Variants in COA1 observed in about 807,000 individuals in gnomAD.
COA1 encodes cytochrome c oxidase assembly factor 1 homolog.
In COA1, 13 loss-of-function variants were observed where a neutral mutation model predicts 16.0. The ratio of observed to expected loss-of-function variants is 0.81; its 90% CI spans 0.53 to 1.29. COA1 has a LOEUF of 1.29. Ranked by LOEUF, COA1 falls within the 50% of genes most tolerant of loss-of-function variation. The probability of loss-of-function intolerance (pLI) is 0.00; values close to 1 mark genes in which losing one functional copy is unlikely to be tolerated. For missense variants in COA1, 179 were observed against 177.0 expected (o/e 1.01, Z -0.06); for synonymous variants, 65 against 65.7 (o/e 0.99, Z 0.05).
intron 1 of COA1, among the ~76,000 whole-genome samples, chr7:43,690,745 T>C (rs903043606): frequency 9.2e-5 from 14 of 151,980 alleles, no homozygotes; most frequent in African/African-American, 3.4e-4. Flanking sequence ...AAGGCAGAGA[T>C]TGTCCTAATG....
intron 6 of COA1, among the ~76,000 whole-genome samples, chr7:43,620,084 G>C (rs932884562): frequency 6.6e-6 from 1 of 152,172 alleles, no homozygotes; most frequent in African/African-American, 2.4e-5. Context: ...CATTGACAAA[G>C]GAATTGCCAA....
intron 1 of COA1, among the ~76,000 whole-genome samples, chr7:43,669,652 G>A (rs1283806785): frequency 6.6e-6 from 1 of 151,986 alleles, no homozygotes; most frequent in African/African-American, 2.4e-5. Context: ...GACGCACACA[G>A]GGTTTTCTCT....
chr7:43,691,370 AGGGAGGG>A (rs1563384169), intron 1 of COA1, among the ~76,000 whole-genome samples: 1,026 of 47,580 alleles, frequency 0.022, 72 homozygotes, highest in African/African-American at 0.063. Context: ...GGAGGGAGGG[AGGGAGGG>A]AGGAAGGAAG....
intron 6 of COA1, chr7:43,624,440 C>A: frequency 7.4e-7 from 1 of 1,350,480 alleles, no homozygotes; most frequent in Non-Finnish European, 9.8e-7. Flanking sequence ...AAATATAATG[C>A]AATAAATACA....
At chr7:43,728,263 C>G (rs1049740449) in intron 1 of COA1, among the ~76,000 whole-genome samples, 1 of 152,108 alleles carries the variant, frequency 6.6e-6, no homozygotes, top group South Asian at 2.1e-4. Flanking sequence ...CGTGAGGCAC[C>G]GCTACGTTTT....
intron 1 of COA1, among the ~76,000 whole-genome samples, chr7:43,702,039 C>T (rs1354172650): frequency 6.6e-6 from 1 of 152,056 alleles, no homozygotes; most frequent in Non-Finnish European, 1.5e-5. Flanking sequence ...TCTGTTTACT[C>T]TGTTGATAGT....
chr7:43,636,466 G>A (rs143485698), downstream of COA1, among the ~76,000 whole-genome samples: 74 of 152,282 alleles, frequency 4.9e-4, no homozygotes, highest in East Asian at 9.6e-3. Flanking sequence ...TTTTTCAGAT[G>A]GACAAACTGA....
intron 1 of COA1, among the ~76,000 whole-genome samples, chr7:43,704,276 G>A (rs1471977416): frequency 6.6e-6 from 1 of 152,184 alleles, no homozygotes; most frequent in Non-Finnish European, 1.5e-5. Context: ...ACAACCTGGT[G>A]ACTATGTGTC....
intron 6 of COA1, among the ~76,000 whole-genome samples, chr7:43,624,067 T>G (rs1256323588): frequency 6.6e-6 from 1 of 152,138 alleles, no homozygotes; most frequent in Non-Finnish European, 1.5e-5. Flanking sequence ...TGGCTTAATA[T>G]AACTTGAAAG....
chr7:43,712,613 A>G (rs1344109630), intron 1 of COA1, among the ~76,000 whole-genome samples: 5 of 152,334 alleles, frequency 3.3e-5, no homozygotes, highest in African/African-American at 1.2e-4. Flanking sequence ...TAGACTGAAC[A>G]CATGGCAGGC....
chr7:43,699,148 C>T (rs955851212), intron 1 of COA1, among the ~76,000 whole-genome samples: 3 of 152,038 alleles, frequency 2.0e-5, no homozygotes, highest in Admixed American at 6.6e-5. Flanking sequence ...TTAATTGAGA[C>T]ACTCGTAAAA....
At chr7:43,649,978 A>G (rs2090425377) in intron 1 of COA1, 1 of 152,374 alleles carries the variant, frequency 6.6e-6, no homozygotes, top group African/African-American at 2.4e-5. Flanking sequence ...AGAAAGGTGA[A>G]AAGAGCAGAA....
downstream of COA1, among the ~76,000 whole-genome samples, chr7:43,635,202 A>T (rs1237330445): frequency 6.6e-6 from 1 of 152,178 alleles, no homozygotes; most frequent in African/African-American, 2.4e-5. Context: ...TCTGCAATCA[A>T]TGGTTTGTGT....
chr7:43,711,058 T>C (rs2095231151), intron 1 of COA1, among the ~76,000 whole-genome samples: 1 of 152,024 alleles, frequency 6.6e-6, no homozygotes, highest in East Asian at 1.9e-4. Context: ...CCTTAATACA[T>C]GTTAGAGCAC....
At chr7:43,667,916 T>C (rs1237471226) in intron 1 of COA1, among the ~76,000 whole-genome samples, 3 of 152,250 alleles carry the variant, frequency 2.0e-5, no homozygotes, top group Non-Finnish European at 4.4e-5. Flanking sequence ...ATTTGGAGCA[T>C]GTTTCTTTTT....
chr7:43,617,867 G>A (rs2083487928), intron 6 of COA1, among the ~76,000 whole-genome samples: 1 of 152,152 alleles, frequency 6.6e-6, no homozygotes, highest in Non-Finnish European at 1.5e-5. Flanking sequence ...CAGAGGAGAT[G>A]GAAGACACAG....
At position 43,681,610 on chromosome 7, in the gene COA1, C is replaced by G. The variant is rs74637545; in HGVS notation, c.-38-32958G>C. On this transcript the variant is annotated intron_variant, in intron 1 of 5. Coordinates refer to ENST00000223336, the MANE Select transcript of COA1 (RefSeq NM_018224.4). ...AGGGTATTGTAGACTGCCCTTGATT[C>G]CCATCACTATCAATGTGGATGGTGA... is the stretch of plus-strand genomic sequence containing the variant. Among the ~76,000 whole-genome samples, 3 of 152,166 alleles carry G rather than the reference C, an allele frequency of 2.0e-5. No individual in the cohort carries two copies. The East Asian group carries it at 5.8e-4, about 29-fold the overall frequency.
chr7:43,625,223 A>G (rs959852379), intron 6 of COA1: 5 of 160,282 alleles, frequency 3.1e-5, no homozygotes, highest in African/African-American at 4.8e-5. Flanking sequence ...ATGTGTATCT[A>G]TATCTGCATA....
intron 1 of COA1, among the ~76,000 whole-genome samples, chr7:43,650,867 G>A (rs957861232): frequency 2.0e-5 from 3 of 151,536 alleles, no homozygotes; most frequent in African/African-American, 7.3e-5. Context: ...GAAAGAGTGA[G>A]GACTCAAGAG....
Sources: allele counts gnomAD v4.1 joint callset (sites outside exome capture counted in the v4.1 genomes callset), GRCh38; gene constraint gnomAD v4.1.1; transcripts MANE v1.5; gene names NCBI Gene and HGNC (gene_info 2026-07-23, HGNC 2026-07-21).